Variants in PGM5 observed in about 807,000 individuals in gnomAD.
The protein encoded by PGM5 is phosphoglucomutase-like protein 5.
In PGM5, 23 loss-of-function variants were observed where a neutral mutation model predicts 59.2. The ratio of observed to expected loss-of-function variants is 0.39; its 90% confidence interval spans 0.28 to 0.55. The LOEUF (loss-of-function observed/expected upper bound fraction) is 0.55, where lower values mean the gene tolerates loss of function less well. Among genes scored for constraint, PGM5 ranks in the 20% least tolerant of loss-of-function variants. The pLI is 0.66. For missense variants in PGM5, 574 were observed against 748.3 expected, an observed-to-expected ratio of 0.77 and a Z score of 2.72; for synonymous variants, 214 against 286.0, an observed-to-expected ratio of 0.75 and a Z score of 2.54.
In PGM5 at chr9:68,512,611, G is replaced by A. The variant is rs567075204; in HGVS notation, c.1614+13250G>A. ...TCATCTTCCTTCTTGTGTGTCTCTGGGTCCAAATTTCCCCTTTTAATAAGG... is the reference window on the plus strand; with the variant it reads ...TCATCTTCCTTCTTGTGTGTCTCTGAGTCCAAATTTCCCCTTTTAATAAGG... On this transcript the variant is annotated intron_variant, in intron 10 of 10. Transcript: ENST00000396396. Among the ~76,000 whole-genome samples the A allele has an allele frequency of 1.1e-3, 169 of 151,800 alleles. 2 individuals carry two copies. The Middle Eastern group carries it at 0.038, about 34-fold the overall frequency.
At chr9:68,471,539 G>A (rs1824018302) in intron 7 of PGM5, among the ~76,000 whole-genome samples, 1 of 151,766 alleles carries the variant, frequency 6.6e-6, no homozygotes, top group South Asian at 2.1e-4. Flanking sequence ...GTGCCTATGT[G>A]GGAAGCTGAG....
In PGM5 at chr9:68,454,282, G is replaced by C. The variant is rs546468994; in HGVS notation, c.1044-10811G>C. Among the ~76,000 whole-genome samples, 3 of 152,232 alleles carry C rather than the reference G, an allele frequency of 2.0e-5. No homozygotes were observed. The South Asian group carries it at 6.2e-4, about 32-fold the overall frequency. On this transcript the variant is annotated intron_variant, in intron 6 of 10. Coordinates refer to ENST00000396396, the MANE Select transcript of PGM5 (RefSeq NM_021965.4). The stretch of plus-strand genomic sequence containing the variant: ...TCAGTAATGAATCTAGGGATGGGAC[G>C]CTGGTAGCCCTGATGTTACTTGCCC...
chr9:68,384,036 T>C (rs1315167128), intron 2 of PGM5, among the ~76,000 whole-genome samples: 13 of 152,030 alleles, frequency 8.6e-5, no homozygotes, highest in Non-Finnish European at 1.0e-4. Context: ...CCCTCACTTC[T>C]GTCAAATGCA....
chr9:68,433,659 G>A (rs191285340), intron 6 of PGM5, among the ~76,000 whole-genome samples: 2 of 152,300 alleles, frequency 1.3e-5, no homozygotes, highest in South Asian at 2.1e-4. Flanking sequence ...CCAGTACTGG[G>A]ACAGGGCACA....
chr9:68,443,981 G>A (rs1554683844), intron 6 of PGM5, among the ~76,000 whole-genome samples: 1 of 152,054 alleles, frequency 6.6e-6, no homozygotes, highest in Non-Finnish European at 1.5e-5. Flanking sequence ...TGCAGATATG[G>A]TGGAGCCCAT....
At chr9:68,373,644 G>A (rs388904) in intron 1 of PGM5, among the ~76,000 whole-genome samples, 152,160 of 152,202 alleles carry the variant, frequency 1, 76,059 homozygotes, top group Middle Eastern at 1. Flanking sequence ...GCATTAAACT[G>A]TCGTTTATGT....
chr9:68,437,080 G>C lies in PGM5; in HGVS notation c.1044-28013G>C, dbSNP rs895243510. On this transcript the variant is annotated intron_variant, in intron 6 of 10. Coordinates refer to ENST00000396396, the MANE Select transcript of PGM5 (RefSeq NM_021965.4). This position sits in a 1 kb window ranked among gnomAD's most constrained non-coding sequence, Gnocchi z 4.1. ...ATTGATAATAATTAAGAACTGGTTT[G>C]TATATGAAAATGTGTTTGTAGCATA... Among the ~76,000 whole-genome samples the C allele has an allele frequency of 2.6e-5, 4 of 152,174 alleles. No individual in the cohort carries two copies. The highest frequency in any genetic ancestry group is 1.3e-4 in the Admixed American group (2 of 15,284).
At chr9:68,410,469 C>T (rs1476553514) in intron 6 of PGM5, among the ~76,000 whole-genome samples, 6 of 151,886 alleles carry the variant, frequency 4.0e-5, no homozygotes, top group South Asian at 4.2e-4. Context: ...AATATTTGAT[C>T]GTTAATTTTT....
chr9:68,526,178 T>TA (rs1232957510), intron 10 of PGM5, among the ~76,000 whole-genome samples: 1 of 152,224 alleles, frequency 6.6e-6, no homozygotes, highest in African/African-American at 2.4e-5. Flanking sequence ...CCTGGGGTCA[T>TA]ACAAAATCTA....
In PGM5 at chr9:68,421,588, G is replaced by A. The variant is rs12003577; in HGVS notation, c.1043+29115G>A. On this transcript the variant is annotated intron_variant, in intron 6 of 10. Transcript: ENST00000396396. ...AAAAATTAGTCAGGCATGGTGGTGCGTGCCTGTAATCCCAGCTATTCGGGA... is the reference window on the plus strand; with the variant it reads ...AAAAATTAGTCAGGCATGGTGGTGCATGCCTGTAATCCCAGCTATTCGGGA... 9.4e-3 allele frequency among the ~76,000 whole-genome samples: 1,431 copies of A among 152,008 alleles called. 9 individuals are homozygous for A. Among genetic ancestry groups the A allele is most frequent in the African/African-American group, 0.025 (1,052 of 41,448 alleles).
intron 7 of PGM5, among the ~76,000 whole-genome samples, chr9:68,471,868 A>G (rs1824024335): frequency 6.6e-6 from 1 of 152,000 alleles, no homozygotes; most frequent in African/African-American, 2.4e-5. Flanking sequence ...GTGATGAGCC[A>G]AGATCGTGCT....
chr9:68,456,357 C>T (rs560351034), intron 6 of PGM5, among the ~76,000 whole-genome samples: 270 of 151,672 alleles, frequency 1.8e-3, no homozygotes, highest in African/African-American at 6.0e-3. Context: ...GTCACCCAGG[C>T]TGAAGTGCAG....
At chr9:68,397,396 A>G (rs1462861875) in intron 6 of PGM5, 1 of 152,294 alleles carries the variant, frequency 6.6e-6, no homozygotes, top group Admixed American at 6.5e-5. Flanking sequence ...AGACATATTT[A>G]CAGTCTCAAA....
At chr9:68,380,390 T>G (rs1822037227) in intron 2 of PGM5, among the ~76,000 whole-genome samples, 1 of 151,918 alleles carries the variant, frequency 6.6e-6, no homozygotes, top group Non-Finnish European at 1.5e-5. Context: ...AAAAAATACT[T>G]TGAGATTAAT....
At chr9:68,496,065 G>A (rs1217272556) in intron 9 of PGM5, among the ~76,000 whole-genome samples, 1 of 152,054 alleles carries the variant, frequency 6.6e-6, no homozygotes, top group Non-Finnish European at 1.5e-5. Context: ...AAAAGTAGGT[G>A]GCAGGTCAAC....
intron 7 of PGM5, among the ~76,000 whole-genome samples, chr9:68,476,340 TCTC>T (rs1824103441): frequency 6.6e-6 from 1 of 152,236 alleles, no homozygotes; most frequent in Non-Finnish European, 1.5e-5. Flanking sequence ...CATTGAGGTT[TCTC>T]TTTTTCTTAT....
At chr9:68,453,421 C>T (rs1054771885) in intron 6 of PGM5, among the ~76,000 whole-genome samples, 1 of 152,172 alleles carries the variant, frequency 6.6e-6, no homozygotes, top group Non-Finnish European at 1.5e-5. Flanking sequence ...TAACTGCAGC[C>T]TTGAACTCCT....
At chr9:68,464,642 T>C (rs1231898853) in intron 6 of PGM5, 1 of 153,494 alleles carries the variant, frequency 6.5e-6, no homozygotes, top group Admixed American at 6.5e-5. Flanking sequence ...TGTGTGTGTG[T>C]GTGCACACGT....
chr9:68,513,693 G>A (rs1438092713), intron 10 of PGM5, among the ~76,000 whole-genome samples: 1 of 152,202 alleles, frequency 6.6e-6, no homozygotes, highest in Non-Finnish European at 1.5e-5. Flanking sequence ...TCCCTAGGAA[G>A]TAGCAATTCT....
Sources: gnomAD v4.1 joint callset for allele counts (sites outside exome capture counted in the v4.1 genomes callset) on GRCh38, gnomAD v4.1.1 for gene constraint, Gnocchi (gnomAD v3.1) non-coding constraint, MANE v1.5 for transcripts, NCBI Gene and HGNC (gene_info 2026-07-23, HGNC 2026-07-21) for gene names.